The following EPB41L2 variants were observed in gnomAD, a reference collection of about 807,000 sequenced individuals.
The protein encoded by EPB41L2 is band 4.1-like protein 2.
In EPB41L2, 43 loss-of-function variants were observed where a neutral mutation model predicts 113.0. The ratio of observed to expected loss-of-function variants is 0.38; its 90% CI spans 0.30 to 0.49. EPB41L2 has a LOEUF of 0.49. Among genes scored for constraint, EPB41L2 ranks in the 20% least tolerant of loss-of-function variants. The pLI, the probability that EPB41L2 is intolerant of heterozygous loss-of-function variation, is 0.95. For synonymous variants in EPB41L2, 442 were observed against 436.7 expected, an observed-to-expected ratio of 1.01 and a Z score of -0.15; for missense variants, 1,147 against 1,223.4, an observed-to-expected ratio of 0.94 and a Z score of 0.93.
chr6:130,878,008 T>C, intron 14 of EPB41L2, 96 bp downstream of exon 14: 1 of 1,247,896 alleles, frequency 8.0e-7, no homozygotes. Flanking sequence ...AATGGGAACA[T>C]TTTGTAACTT....
At chr6:130,877,579 A>G (rs1787967163) in intron 14 of EPB41L2, among the ~76,000 whole-genome samples, 1 of 152,152 alleles carries the variant, frequency 6.6e-6, no homozygotes, top group South Asian at 2.1e-4. Flanking sequence ...CAATTCTAAC[A>G]TTTCATTATA....
chr6:130,900,371 G>A (rs1020784522), intron 7 of EPB41L2, among the ~76,000 whole-genome samples: 4 of 152,092 alleles, frequency 2.6e-5, no homozygotes, highest in South Asian at 2.1e-4. Context: ...TGTAGCTAGC[G>A]TTATAAAAAT....
chr6:130,963,330 A>C (rs180787764), intron 1 of EPB41L2, among the ~76,000 whole-genome samples: 1 of 152,348 alleles, frequency 6.6e-6, no homozygotes, highest in East Asian at 1.9e-4. Context: ...ACTGCATTTT[A>C]CAACCCTCAT....
intron 3 of EPB41L2, among the ~76,000 whole-genome samples, chr6:130,933,111 G>A (rs559239464): frequency 6.6e-6 from 1 of 152,286 alleles, no homozygotes; most frequent in Non-Finnish European, 1.5e-5. Context: ...CTTAAGAGTA[G>A]GCCATACCTC....
intron 1 of EPB41L2, among the ~76,000 whole-genome samples, chr6:130,956,874 A>G (rs1817624221): frequency 6.6e-6 from 1 of 152,206 alleles, no homozygotes; most frequent in Non-Finnish European, 1.5e-5. Flanking sequence ...TTTTATCTGT[A>G]CTTGGTATTC....
At chr6:130,969,179 C>T (rs372819846) in intron 1 of EPB41L2, among the ~76,000 whole-genome samples, 133 of 151,896 alleles carry the variant, frequency 8.8e-4, no homozygotes, top group African/African-American at 3.1e-3. Flanking sequence ...CCCACACCCA[C>T]GTTGCAAATA....
intron 1 of EPB41L2, among the ~76,000 whole-genome samples, chr6:131,004,385 A>G (rs1025767499): frequency 1.3e-5 from 2 of 152,226 alleles, no homozygotes; most frequent in African/African-American, 4.8e-5. Context: ...GTTTCTTGAC[A>G]TAAAGTAAAC....
chr6:131,001,707 T>C (rs1784412620), intron 1 of EPB41L2, among the ~76,000 whole-genome samples: 1 of 152,148 alleles, frequency 6.6e-6, no homozygotes, highest in African/African-American at 2.4e-5. Context: ...CCCCCTTATT[T>C]CTTGATCTCT....
intron 1 of EPB41L2, among the ~76,000 whole-genome samples, chr6:131,008,957 G>A (rs1786272598): frequency 6.6e-6 from 1 of 152,176 alleles, no homozygotes; most frequent in Non-Finnish European, 1.5e-5. Flanking sequence ...TAAGACTTTG[G>A]ACTTGGACTT....
chr6:130,869,848 T>G lies in EPB41L2; in HGVS notation c.2322A>C (p.Glu774Asp). 5.6e-6 allele frequency: 9 copies of G among 1,613,754 alleles called. No homozygotes were observed. Among genetic ancestry groups the G allele is most frequent in the Non-Finnish European group, 6.8e-6 (8 of 1,179,994 alleles). Residue 774 changes from glutamate (E) to aspartate (D), a missense_variant, in exon 15 of 20, where the codon GAA becomes GAC. Glu to Asp is a conservative substitution (Grantham distance 45). Coordinates refer to ENST00000337057, the MANE Select transcript of EPB41L2 (RefSeq NM_001431.4). ...EGTIREEQEYEEEVEEEPRPA... is the reference protein window; with the variant it reads ...EGTIREEQEYDEEVEEEPRPA... ...GGCGGGGTTCTTCCTCCACCTCTTC[T>G]TCATACTCCTGTTCCTCCCTGATGG...
At chr6:131,012,283 G>T (rs776848152) in intron 1 of EPB41L2, among the ~76,000 whole-genome samples, 1 of 150,912 alleles carries the variant, frequency 6.6e-6, no homozygotes, top group Non-Finnish European at 1.5e-5. Flanking sequence ...AGCTTCTAAC[G>T]GATTAGATTT....
chr6:130,884,008 T>G (rs369615860), intron 12 of EPB41L2, among the ~76,000 whole-genome samples: 1 of 152,158 alleles, frequency 6.6e-6, no homozygotes. Flanking sequence ...TATACATTTA[T>G]GTCTTTTAAA....
At chr6:130,865,044 G>A (rs559480389) in intron 17 of EPB41L2, among the ~76,000 whole-genome samples, 26 of 152,304 alleles carry the variant, frequency 1.7e-4, no homozygotes, top group African/African-American at 6.0e-4. Context: ...TGCTGATCCA[G>A]GGATGACTGG....
rs1782894037 is a variant in EPB41L2, at chr6:130,863,833, C to T, written c.2830-115G>A. On this transcript the variant is annotated intron_variant, in intron 17 of 19. Coordinates refer to ENST00000337057, the MANE Select transcript of EPB41L2 (RefSeq NM_001431.4). ...ACCTGTGGATCATTGTAAGGCCACA[C>T]ACAACAAGCAGCAAAAGACTGATAT... 1.6e-5 allele frequency: 10 copies of T among 635,074 alleles called. 1 individual carries two copies. Among genetic ancestry groups the T allele is most frequent in the South Asian group, 4.0e-5 (2 of 50,494 alleles). 39.3% of individuals were successfully genotyped at this position (635,074 alleles called of 1,614,324 possible). A position where few individuals can be genotyped will look rare whatever the true frequency, so the allele number is the denominator to read the frequency against.
intron 6 of EPB41L2, 98 bp downstream of exon 6, chr6:130,904,367 T>C (rs2128502590): frequency 1.4e-6 from 1 of 736,034 alleles, no homozygotes; most frequent in Admixed American, 3.0e-5. Context: ...AAAAACTGTT[T>C]TGGTTTTCAA....
intron 1 of EPB41L2, among the ~76,000 whole-genome samples, chr6:131,056,862 C>T (rs1797698743): frequency 6.6e-6 from 1 of 152,088 alleles, no homozygotes; most frequent in African/African-American, 2.4e-5. Flanking sequence ...AATCAATATT[C>T]CATCAAAGAA....
At chr6:130,858,739 T>C (rs965501311) in intron 18 of EPB41L2, among the ~76,000 whole-genome samples, 2 of 152,250 alleles carry the variant, frequency 1.3e-5, no homozygotes, top group African/African-American at 4.8e-5. Flanking sequence ...ATCTTTATCT[T>C]CTTAGGCTCT....
At chr6:130,909,797 A>G (rs947165556) in intron 4 of EPB41L2, among the ~76,000 whole-genome samples, 1 of 152,224 alleles carries the variant, frequency 6.6e-6, no homozygotes, top group Non-Finnish European at 1.5e-5. Flanking sequence ...AAGAGAAAAA[A>G]ATACCTAGGA....
chr6:131,002,715 T>C (rs9375794), intron 1 of EPB41L2, among the ~76,000 whole-genome samples: 43,369 of 152,054 alleles, frequency 0.29, 6,640 homozygotes, highest in East Asian at 0.43. Context: ...CTCTATTTCT[T>C]TCAGGTTCAC....
Sources: allele counts gnomAD v4.1 joint callset (sites outside exome capture counted in the v4.1 genomes callset), GRCh38; gene constraint gnomAD v4.1.1; transcripts MANE v1.5; gene names NCBI Gene and HGNC (gene_info 2026-07-23, HGNC 2026-07-21).